The following SLC41A3 variants were observed in gnomAD, a reference collection of about 807,000 sequenced individuals.
SLC41A3 encodes the protein solute carrier family 41 member 3.
SLC41A3 carries 44 observed loss-of-function variants against 45.4 expected under a neutral mutation model. That is an observed-to-expected ratio of 0.97 (90% CI 0.76 to 1.25). The LOEUF (loss-of-function observed/expected upper bound fraction) is 1.25. SLC41A3 is among the 50% of genes most tolerant of loss of function. The pLI, the probability that SLC41A3 is intolerant of heterozygous loss-of-function variation, is 0.00. For missense variants in SLC41A3, 550 were observed against 600.6 expected, an observed-to-expected ratio of 0.92 and a Z score of 0.88; for synonymous variants, 256 against 252.4, an observed-to-expected ratio of 1.01 and a Z score of -0.13.
In SLC41A3 at chr3:126,046,355, TTA is replaced by T. The variant is rs1491204276; in HGVS notation, c.381+4586_381+4587del. ...TCTTATATGCTGAAAACTCTAAAGA[TTA>T]CACACACACACACACACACACACAA... On this transcript the variant is annotated intron_variant, in intron 3 of 10. Coordinates refer to ENST00000360370, the MANE Select transcript of SLC41A3 (RefSeq NM_017836.4). 1.7e-4 allele frequency among the ~76,000 whole-genome samples: 6 copies of T among 35,230 alleles called. No homozygotes were observed. In the Admixed American group the frequency reaches 2.7e-3, roughly 16 times the overall value. The allele number at this position is 35,230 out of a possible 152,430, so 23.1% of individuals were successfully genotyped here.
chr3:126,094,543 G>A (rs1945556669), intron 1 of SLC41A3, among the ~76,000 whole-genome samples: 1 of 152,166 alleles, frequency 6.6e-6, no homozygotes, highest in Non-Finnish European at 1.5e-5. Flanking sequence ...TACAACCTAT[G>A]GGAACATTAC....
chr3:126,079,211 A>AAC (rs63385862), intron 1 of SLC41A3, among the ~76,000 whole-genome samples: 620 of 54,960 alleles, frequency 0.011, 2 homozygotes, highest in East Asian at 0.037. Context: ...AGGTAAGGGA[A>AAC]ACACACACAC....
chr3:126,094,985 C>T (rs956654941), intron 1 of SLC41A3, among the ~76,000 whole-genome samples: 3 of 152,208 alleles, frequency 2.0e-5, no homozygotes, highest in Non-Finnish European at 4.4e-5. Flanking sequence ...ACAGCCCATA[C>T]ACAATTGAAT....
chr3:126,099,477 C>A (rs996995740), intron 1 of SLC41A3, among the ~76,000 whole-genome samples: 14 of 152,194 alleles, frequency 9.2e-5, no homozygotes, highest in African/African-American at 2.6e-4. Context: ...TTTGGGTGGC[C>A]AAGGCGGGTG....
chr3:126,059,291 A>AGAAAG (rs748196107), intron 2 of SLC41A3, among the ~76,000 whole-genome samples: 1 of 121,218 alleles, frequency 8.2e-6, no homozygotes, highest in Non-Finnish European at 1.8e-5. Context: ...AGAAAGAAAG[A>AGAAAG]AAGAAAGAAA....
intron 4 of SLC41A3, among the ~76,000 whole-genome samples, chr3:126,028,805 G>C (rs1410575129): frequency 6.6e-6 from 1 of 152,248 alleles, no homozygotes; most frequent in African/African-American, 2.4e-5. Context: ...GGACTTGGGA[G>C]CCCACCCCTT....
At chr3:126,027,953 T>TC (rs1941495542) in intron 4 of SLC41A3, among the ~76,000 whole-genome samples, 1 of 152,170 alleles carries the variant, frequency 6.6e-6, no homozygotes, top group South Asian at 2.1e-4. Context: ...AGCAAAACAT[T>TC]CAAGATATGA....
rs201636795 is a variant in SLC41A3 at position 126,028,328 on chromosome 3, C to T, written c.454-1849G>A. On this transcript the variant is annotated intron_variant, in intron 4 of 10. Transcript: ENST00000360370. ...AGCCTCAGGACACTCTGTCCCATGTCCCAGTCGCTCAAGCTCCAGTCATGG... is the reference window on the plus strand; with the variant it reads ...AGCCTCAGGACACTCTGTCCCATGTTCCAGTCGCTCAAGCTCCAGTCATGG... Among the ~76,000 whole-genome samples, 297 of 78,010 alleles carry T rather than the reference C, an allele frequency of 3.8e-3. 2 individuals are homozygous for T. In the East Asian group the frequency reaches 0.04, roughly 11 times the overall value. The allele number at this position is 78,010 out of a possible 152,430, so 51.2% of individuals were successfully genotyped here.
At chr3:126,083,997 C>A (rs1317796676) in intron 1 of SLC41A3, 96 bp downstream of exon 1, 1 of 150,582 alleles carries the variant, frequency 6.6e-6, no homozygotes, top group Non-Finnish European at 1.5e-5. Context: ...GCACCCACTC[C>A]CGGGCGCCCT....
At chr3:126,090,328 G>A (rs1163030754) in intron 1 of SLC41A3, among the ~76,000 whole-genome samples, 1 of 152,132 alleles carries the variant, frequency 6.6e-6, no homozygotes, top group Non-Finnish European at 1.5e-5. Context: ...CAAGTATAAT[G>A]AGCCTAGAAC....
At chr3:126,038,451 C>T (rs1942362200) in intron 3 of SLC41A3, among the ~76,000 whole-genome samples, 2 of 152,366 alleles carry the variant, frequency 1.3e-5, no homozygotes, top group East Asian at 1.9e-4. Context: ...CCACCTCTCA[C>T]ACCAGTGTGC....
intron 2 of SLC41A3, among the ~76,000 whole-genome samples, chr3:126,055,570 T>C (rs143874882): frequency 2.2e-4 from 33 of 152,338 alleles, no homozygotes; most frequent in Non-Finnish European, 4.0e-4. Context: ...TGTTTATATG[T>C]ACATAGAAAA....
chr3:126,015,997 A>G (rs942392087), intron 7 of SLC41A3, among the ~76,000 whole-genome samples: 2 of 152,206 alleles, frequency 1.3e-5, no homozygotes, highest in Admixed American at 6.5e-5. Context: ...TGGCCACTGT[A>G]GTTTAGCAAA....
At chr3:126,096,843 C>T (rs1945613330) in intron 1 of SLC41A3, among the ~76,000 whole-genome samples, 1 of 152,226 alleles carries the variant, frequency 6.6e-6, no homozygotes. Flanking sequence ...TGTAATTCCT[C>T]TAATGCTGCT....
At chr3:126,075,887 G>A (rs987835297) in intron 1 of SLC41A3, among the ~76,000 whole-genome samples, 3 of 152,186 alleles carry the variant, frequency 2.0e-5, no homozygotes, top group Non-Finnish European at 4.4e-5. Context: ...CACTTAGAAT[G>A]AAATACAGGT....
intron 2 of SLC41A3, among the ~76,000 whole-genome samples, chr3:126,064,789 C>G (rs944004024): frequency 4.6e-5 from 7 of 152,224 alleles, no homozygotes; most frequent in African/African-American, 1.7e-4. Flanking sequence ...CCCAGTCCAC[C>G]CACAGAGCCC....
intron 1 of SLC41A3, chr3:126,092,632 A>C (rs1945512028): frequency 6.5e-6 from 1 of 153,202 alleles, no homozygotes; most frequent in African/African-American, 2.4e-5. Context: ...GGGGGCTCAA[A>C]TCCAGGTTGA....
At chr3:126,015,870 C>T (rs903142793) in intron 7 of SLC41A3, among the ~76,000 whole-genome samples, 3 of 152,210 alleles carry the variant, frequency 2.0e-5, no homozygotes, top group Non-Finnish European at 4.4e-5. Flanking sequence ...CTGGGCTGTC[C>T]CAAGACTCCG....
chr3:126,019,539 G>A (rs1366673082), intron 6 of SLC41A3, among the ~76,000 whole-genome samples: 1 of 152,146 alleles, frequency 6.6e-6, no homozygotes, highest in Non-Finnish European at 1.5e-5. Flanking sequence ...TCTCACATGT[G>A]AGCCTATGAA....
Sources: gnomAD v4.1 joint callset for allele counts (sites outside exome capture counted in the v4.1 genomes callset) on GRCh38, gnomAD v4.1.1 for gene constraint, MANE v1.5 for transcripts, NCBI Gene and HGNC (gene_info 2026-07-23, HGNC 2026-07-21) for gene names.